MCEE: variants seen among roughly 807,000 people sequenced by gnomAD.
The protein encoded by MCEE is methylmalonyl-CoA epimerase.
A neutral mutation model predicts 12.9 loss-of-function variants in MCEE; 6 were observed. The observed-to-expected ratio is 0.47, with a 90% confidence interval of 0.26 to 0.92. The LOEUF (loss-of-function observed/expected upper bound fraction) is 0.92. MCEE is among the 40% of genes least tolerant of loss of function. The pLI is 0.16. For synonymous variants in MCEE, 78 were observed against 77.9 expected (o/e 1.00, Z -0.01); for missense variants, 214 against 212.1 (o/e 1.01, Z -0.05).
At chr2:71,117,518 C>A (rs1673017804) in intron 2 of MCEE, 2 of 150,292 alleles carry the variant, frequency 1.3e-5, no homozygotes, top group South Asian at 4.2e-4. Context: ...AAATGAGTTA[C>A]CTCACTAGCC....
intron 1 of MCEE, among the ~76,000 whole-genome samples, chr2:71,125,211 A>ATATATATATATTTTTTTTTT: frequency 3.1e-4 from 15 of 48,592 alleles, no homozygotes; most frequent in African/African-American, 6.0e-4. Context: ...ATATATATAT[A>ATATATATATATTTTTTTTTT]TTTTTTTTTT....
At chr2:71,124,866 C>T (rs1397305914) in intron 1 of MCEE, among the ~76,000 whole-genome samples, 1 of 152,058 alleles carries the variant, frequency 6.6e-6, no homozygotes, top group South Asian at 2.1e-4. Context: ...ACTTGCTATT[C>T]TCTGCATTTC....
At chr2:71,129,275 GC>G (rs1255928985) in intron 1 of MCEE, among the ~76,000 whole-genome samples, 1 of 152,142 alleles carries the variant, frequency 6.6e-6, no homozygotes, top group Non-Finnish European at 1.5e-5. Flanking sequence ...ACATAAAAAT[GC>G]CTTTTCCCAA....
chr2:71,113,385 G>A (rs1418499856), intron 2 of MCEE, among the ~76,000 whole-genome samples: 1 of 152,118 alleles, frequency 6.6e-6, no homozygotes, highest in Non-Finnish European at 1.5e-5. Context: ...AGCACACTTA[G>A]AACCTAGATC....
chr2:71,123,424 G>A (rs909192802), intron 2 of MCEE, among the ~76,000 whole-genome samples: 7 of 150,834 alleles, frequency 4.6e-5, no homozygotes, highest in Non-Finnish European at 7.4e-5. Context: ...CCAGGAGGCA[G>A]AGGTTGCAGT....
intron 1 of MCEE, among the ~76,000 whole-genome samples, chr2:71,127,773 C>T (rs11126318): frequency 2.0e-5 from 3 of 152,110 alleles, no homozygotes; most frequent in Non-Finnish European, 4.4e-5. Context: ...ATTACAGGAG[C>T]GCGCCACCAC....
intron 2 of MCEE, among the ~76,000 whole-genome samples, chr2:71,111,876 T>C (rs1263975162): frequency 6.6e-6 from 1 of 152,164 alleles, no homozygotes; most frequent in Non-Finnish European, 1.5e-5. Flanking sequence ...CAGAAATCAA[T>C]TCCTGTGCTG....
chr2:71,130,141 CCT>C (rs755502993), intron 1 of MCEE, 37 bp downstream of exon 1: 1 of 1,600,012 alleles, frequency 6.2e-7, no homozygotes, highest in Non-Finnish European at 8.5e-7. Flanking sequence ...TCCCACGCTC[CCT>C]GTCCCATGGC....
chr2:71,115,346 T>C (rs528519087), intron 2 of MCEE, among the ~76,000 whole-genome samples: 2 of 152,312 alleles, frequency 1.3e-5, no homozygotes, highest in African/African-American at 4.8e-5. Flanking sequence ...ATGGTGCCAC[T>C]GCACTCCAGC....
At chr2:71,122,388 G>T (rs111953589) in intron 2 of MCEE, among the ~76,000 whole-genome samples, 6,202 of 152,232 alleles carry the variant, frequency 0.041, 385 homozygotes, top group African/African-American at 0.13. Flanking sequence ...GCCCACCTTG[G>T]CCTCCCAAAG....
chr2:71,119,960 G>C lies in MCEE; in HGVS notation c.378+4246C>G, dbSNP rs1019864081. Among the ~76,000 whole-genome samples, 8 of 149,668 alleles carry C rather than the reference G, an allele frequency of 5.3e-5. 2 individuals are homozygous for C. Among genetic ancestry groups the C allele is most frequent in the African/African-American group, 2.0e-4 (8 of 39,152 alleles). On this transcript the variant is annotated intron_variant, in intron 2 of 2. Transcript: ENST00000244217. Reference sequence around the variant, plus strand: ...CGTAGCTACTCAGGAGGCTGAGGTAGGAGGGTCGCTTGAGCTCAGGAGTTC... The same window carrying C: ...CGTAGCTACTCAGGAGGCTGAGGTACGAGGGTCGCTTGAGCTCAGGAGTTC...
intron 2 of MCEE, chr2:71,118,349 C>A: frequency 6.6e-6 from 1 of 150,978 alleles, no homozygotes; most frequent in Non-Finnish European, 1.5e-5. Context: ...TGCCCCTACC[C>A]TGCTCTGGCT....
rs925387671 is a variant in MCEE at position 71,109,803 on chromosome 2, A to G, written c.*167T>C. The G allele has an allele frequency of 4.5e-5, 19 of 420,060 alleles. 1 individual carries two copies. In the South Asian group the frequency reaches 8.2e-4, roughly 18 times the overall value. 26.0% of individuals were successfully genotyped at this position (420,060 alleles called of 1,614,324 possible). A position where few individuals can be genotyped will look rare whatever the true frequency, so the allele number is the denominator to read the frequency against. On this transcript the variant is annotated 3_prime_UTR_variant, in exon 3 of 3. Coordinates refer to ENST00000244217, the MANE Select transcript of MCEE (RefSeq NM_032601.4). ...ATGTTTGTTAATCTAAATAATATAC[A>G]TATTTATGTATTTATATATGTATAT... is the stretch of plus-strand genomic sequence containing the variant.
At chr2:71,118,740 C>T (rs1285046199) in intron 2 of MCEE, among the ~76,000 whole-genome samples, 1 of 150,102 alleles carries the variant, frequency 6.7e-6, no homozygotes, top group Admixed American at 6.6e-5. Flanking sequence ...CCTCCTAACA[C>T]CATCACTTTG....
intron 1 of MCEE, among the ~76,000 whole-genome samples, chr2:71,127,451 A>G (rs534837701): frequency 1.9e-4 from 29 of 152,388 alleles, no homozygotes; most frequent in African/African-American, 6.5e-4. Context: ...AAAAAGTACT[A>G]TAAAAGTGAA....
chr2:71,122,072 G>A (rs1381710058), intron 2 of MCEE, among the ~76,000 whole-genome samples: 1 of 152,150 alleles, frequency 6.6e-6, no homozygotes, highest in Non-Finnish European at 1.5e-5. Context: ...GAAAATTCAA[G>A]AAAATAGTAT....
intron 2 of MCEE, among the ~76,000 whole-genome samples, chr2:71,123,130 G>A (rs1673130217): frequency 6.6e-6 from 1 of 152,196 alleles, no homozygotes; most frequent in African/African-American, 2.4e-5. Flanking sequence ...ATACATGTTT[G>A]CAATAATGAA....
intron 2 of MCEE, among the ~76,000 whole-genome samples, chr2:71,117,930 C>T (rs893921232): frequency 1.3e-5 from 2 of 149,932 alleles, no homozygotes; most frequent in Admixed American, 6.6e-5. Flanking sequence ...GTGCTCCAAC[C>T]GTGGGGCTGC....
chr2:71,117,072 A>G (rs575187175), intron 2 of MCEE, among the ~76,000 whole-genome samples: 1 of 150,782 alleles, frequency 6.6e-6, no homozygotes, highest in South Asian at 2.1e-4. Flanking sequence ...TTTTATATAC[A>G]GTTGTAATGG....
Sources: allele counts gnomAD v4.1 joint callset (sites outside exome capture counted in the v4.1 genomes callset), GRCh38; gene constraint gnomAD v4.1.1; transcripts MANE v1.5; gene names NCBI Gene and HGNC (gene_info 2026-07-23, HGNC 2026-07-21).